Variants in STARD13 observed in about 807,000 individuals in gnomAD.
STARD13 encodes the protein stAR-related lipid transfer protein 13.
Under a neutral mutation model 106.4 loss-of-function variants are expected in STARD13, and 62 were observed. That is an observed-to-expected ratio of 0.58 (90% confidence interval 0.48 to 0.72). STARD13 has a LOEUF of 0.72. STARD13 is among the 30% of genes least tolerant of loss of function. The pLI is 0.00. For synonymous variants in STARD13, 565 were observed against 553.0 expected (o/e 1.02, Z -0.31); for missense variants, 1,387 against 1,424.0 (o/e 0.97, Z 0.42).
chr13:33,202,526 T>C (rs753035399), intron 1 of STARD13, among the ~76,000 whole-genome samples: 56 of 152,216 alleles, frequency 3.7e-4, no homozygotes, highest in Non-Finnish European at 5.6e-4. Flanking sequence ...AGCAGCATGG[T>C]ACCTGGCCTG....
chr13:33,528,159 T>G, the STARD13 span, among the ~76,000 whole-genome samples: 1 of 139,578 alleles, frequency 7.2e-6, no homozygotes, highest in African/African-American at 2.9e-5. Flanking sequence ...TTTCCCCAGC[T>G]AAGCTAATAT....
chr13:33,511,240 G>C, the STARD13 span: 4 of 152,290 alleles, frequency 2.6e-5, no homozygotes, highest in Non-Finnish European at 4.4e-5. Flanking sequence ...TTGAACCTGG[G>C]GGGTGGAGGT....
At chr13:33,422,876 A>G in the STARD13 span, among the ~76,000 whole-genome samples, 1 of 152,242 alleles carries the variant, frequency 6.6e-6, no homozygotes, top group Non-Finnish European at 1.5e-5. Context: ...TGGTGCTGGG[A>G]AAACTGGCCA....
the STARD13 span, among the ~76,000 whole-genome samples, chr13:33,674,616 G>A: frequency 6.6e-6 from 1 of 152,132 alleles, no homozygotes; most frequent in Non-Finnish European, 1.5e-5. Flanking sequence ...GAGAAATCAG[G>A]GTCTGAGTGC....
the STARD13 span, among the ~76,000 whole-genome samples, chr13:33,532,538 T>A: frequency 3.9e-5 from 6 of 152,184 alleles, no homozygotes; most frequent in African/African-American, 7.2e-5. Context: ...TGGATTTAGT[T>A]TTCTTCCTTT....
chr13:33,499,582 CTTCTTCTTCTTCTTCTTCTTCTTT>C, the STARD13 span, among the ~76,000 whole-genome samples: 1 of 69,748 alleles, frequency 1.4e-5, no homozygotes, highest in African/African-American at 5.3e-5. Flanking sequence ...TCTTCTTCTT[CTTCTTCTTCTTCTTCTTCTTCTTT>C]CTTCTTCTTC....
At chr13:33,262,640 C>A (rs1224330995) in intron 1 of STARD13, among the ~76,000 whole-genome samples, 3 of 78,422 alleles carry the variant, frequency 3.8e-5, no homozygotes, top group Non-Finnish European at 8.0e-5. Flanking sequence ...CACCCAGAAC[C>A]CCCCCCCCCA....
the STARD13 span, among the ~76,000 whole-genome samples, chr13:33,380,580 C>G: frequency 6.6e-6 from 1 of 150,644 alleles, no homozygotes; most frequent in African/African-American, 2.4e-5. Flanking sequence ...CTGTCTCTGC[C>G]CTGGCCCTGA....
the STARD13 span, among the ~76,000 whole-genome samples, chr13:33,641,356 T>C: frequency 3.3e-5 from 5 of 152,204 alleles, no homozygotes; most frequent in African/African-American, 1.2e-4. Context: ...CTGCTGGGTT[T>C]ATAAGTGTGA....
intron 1 of STARD13, among the ~76,000 whole-genome samples, chr13:33,331,654 C>T (rs914826505): frequency 6.6e-6 from 1 of 151,824 alleles, no homozygotes; most frequent in African/African-American, 2.4e-5. Context: ...GTGTGTGCCA[C>T]CACACCTGGT....
At chr13:33,292,718 A>C (rs1892341925) in intron 1 of STARD13, among the ~76,000 whole-genome samples, 1 of 151,860 alleles carries the variant, frequency 6.6e-6, no homozygotes, top group Non-Finnish European at 1.5e-5. Context: ...TTTAGTTCAC[A>C]GTTTCTTAAC....
chr13:33,672,472 G>T, the STARD13 span, among the ~76,000 whole-genome samples: 1 of 152,246 alleles, frequency 6.6e-6, no homozygotes, highest in South Asian at 2.1e-4. Flanking sequence ...CATGGCACAT[G>T]TATTCCTATG....
At chr13:33,370,696 G>A in the STARD13 span, among the ~76,000 whole-genome samples, 2 of 145,604 alleles carry the variant, frequency 1.4e-5, no homozygotes, top group East Asian at 4.0e-4. Flanking sequence ...TTGGCTGACT[G>A]CAACCTCCGC....
At chr13:33,420,930 G>GA in the STARD13 span, among the ~76,000 whole-genome samples, 4 of 152,224 alleles carry the variant, frequency 2.6e-5, no homozygotes, top group East Asian at 7.7e-4. Context: ...AAACATACCA[G>GA]ATCTCTGGGA....
chr13:33,471,272 G>A, the STARD13 span, among the ~76,000 whole-genome samples: 1 of 152,164 alleles, frequency 6.6e-6, no homozygotes, highest in East Asian at 1.9e-4. Flanking sequence ...CCCTAGCCAT[G>A]TAGCCACATA....
rs975086674 is a variant in STARD13, at chr13:33,165,397, A to G, written c.263T>C (p.Ile88Thr). 1 of 1,613,848 alleles carries G rather than the reference A, an allele frequency of 6.2e-7. No individual in the cohort carries two copies. Among genetic ancestry groups the G allele is most frequent in the Middle Eastern group, 1.7e-4 (1 of 6,060 alleles). ...ATCATGATCATTCTTGACAGCCACA[A>G]TGTTGATGGGAAATTGTGAATCTGA... Reference protein sequence around the residue: ...LYEDSQFPINIVAVKNDHDFL... With the variant: ...LYEDSQFPINTVAVKNDHDFL... Residue 88 changes from isoleucine to threonine, a missense_variant, in exon 3 of 14, where the codon ATT becomes ACT. Ile to Thr is a moderately conservative substitution (Grantham distance 89, BLOSUM62 -1). Transcript: ENST00000336934.
chr13:33,392,423 A>G, the STARD13 span, among the ~76,000 whole-genome samples: 2 of 152,090 alleles, frequency 1.3e-5, no homozygotes, highest in Non-Finnish European at 2.9e-5. Flanking sequence ...TTTTTGAAAC[A>G]GAGTCTCACT....
chr13:33,353,792 T>C (rs887200280), upstream of STARD13, among the ~76,000 whole-genome samples: 4 of 151,806 alleles, frequency 2.6e-5, no homozygotes, highest in Non-Finnish European at 5.9e-5. Context: ...TCCAGTTTAG[T>C]TTTCCTTATA....
At chr13:33,467,231 G>C in the STARD13 span, among the ~76,000 whole-genome samples, 1 of 151,892 alleles carries the variant, frequency 6.6e-6, no homozygotes, top group Non-Finnish European at 1.5e-5. Context: ...CCTGCAACTA[G>C]ATGGTCCTGT....
Sources: allele counts gnomAD v4.1 joint callset (sites outside exome capture counted in the v4.1 genomes callset), GRCh38; gene constraint gnomAD v4.1.1; transcripts MANE v1.5; gene names NCBI Gene and HGNC (gene_info 2026-07-23, HGNC 2026-07-21).